MNAT1: variants seen among roughly 807,000 people sequenced by gnomAD.
MNAT1 encodes MNAT1 component of CDK activating kinase, also known as CDK-activating kinase assembly factor MAT1.
Under a neutral mutation model 42.0 loss-of-function variants are expected in MNAT1, and 43 were observed. The ratio of observed to expected loss-of-function variants is 1.02; its 90% CI spans 0.80 to 1.32. MNAT1 has a LOEUF of 1.32. MNAT1 is among the 40% of genes most tolerant of loss of function. The pLI, the probability that MNAT1 is intolerant of heterozygous loss-of-function variation, is 0.00. For missense variants in MNAT1, 306 were observed against 350.4 expected (o/e 0.87, Z 1.01); for synonymous variants, 118 against 120.0 (o/e 0.98, Z 0.11).
At chr14:60,748,322 C>T (rs1034737287) in intron 1 of MNAT1, among the ~76,000 whole-genome samples, 1 of 152,110 alleles carries the variant, frequency 6.6e-6, no homozygotes, top group Non-Finnish European at 1.5e-5. Context: ...TCTTGACATC[C>T]CTGGCTTAAG....
At chr14:60,761,018 G>A (rs2030575512) in intron 1 of MNAT1, among the ~76,000 whole-genome samples, 1 of 152,124 alleles carries the variant, frequency 6.6e-6, no homozygotes, top group Admixed American at 6.5e-5. Flanking sequence ...AACTCTTTTG[G>A]CCATTGTACT....
intron 1 of MNAT1, chr14:60,780,510 C>T: frequency 6.6e-7 from 1 of 1,514,082 alleles, no homozygotes. Context: ...ATTACCAATT[C>T]TGAGGAAGTC....
At chr14:60,738,456 A>G (rs961220417) in intron 1 of MNAT1, among the ~76,000 whole-genome samples, 3 of 151,920 alleles carry the variant, frequency 2.0e-5, no homozygotes, top group Non-Finnish European at 4.4e-5. Flanking sequence ...GGGTTTCACT[A>G]TGTTGGCCAG....
intron 1 of MNAT1, among the ~76,000 whole-genome samples, chr14:60,747,352 A>T (rs970636535): frequency 2.6e-5 from 4 of 152,258 alleles, no homozygotes; most frequent in Middle Eastern, 3.4e-3. Flanking sequence ...CTGTGTGAAC[A>T]TCATACAGTG....
intron 3 of MNAT1, among the ~76,000 whole-genome samples, chr14:60,802,933 T>C (rs1230727094): frequency 6.9e-6 from 1 of 144,128 alleles, no homozygotes; most frequent in Non-Finnish European, 1.5e-5. Flanking sequence ...AAATAAAACT[T>C]TTTTTTTTTT....
chr14:60,771,926 G>C (rs2031074930), intron 1 of MNAT1, among the ~76,000 whole-genome samples: 1 of 152,238 alleles, frequency 6.6e-6, no homozygotes, highest in East Asian at 1.9e-4. Flanking sequence ...TTTCTTTGAA[G>C]GTATTTTAGT....
chr14:60,811,515 G>GCT (rs1458106996), intron 4 of MNAT1, among the ~76,000 whole-genome samples: 1 of 151,890 alleles, frequency 6.6e-6, no homozygotes, highest in East Asian at 1.9e-4. Flanking sequence ...TGTTGGCCAA[G>GCT]CTGGTCTCGA....
intron 6 of MNAT1, among the ~76,000 whole-genome samples, chr14:60,828,003 A>G (rs1395045505): frequency 6.6e-6 from 1 of 152,168 alleles, no homozygotes; most frequent in African/African-American, 2.4e-5. Context: ...ACTTAAGATA[A>G]TCCTTGGTGA....
intron 7 of MNAT1, among the ~76,000 whole-genome samples, chr14:60,902,395 T>C (rs2035089231): frequency 6.6e-6 from 1 of 152,202 alleles, no homozygotes. Context: ...ATGTCTAAAT[T>C]CTGCCTACTA....
At chr14:60,785,092 G>A (rs907419083) in intron 1 of MNAT1, among the ~76,000 whole-genome samples, 1 of 151,598 alleles carries the variant, frequency 6.6e-6, no homozygotes, top group Non-Finnish European at 1.5e-5. Flanking sequence ...ACCTCAGGAG[G>A]CCTCAGCCTC....
intron 6 of MNAT1, among the ~76,000 whole-genome samples, chr14:60,820,470 A>G (rs1490182425): frequency 2.0e-5 from 3 of 151,508 alleles, no homozygotes; most frequent in Non-Finnish European, 4.4e-5. Context: ...TATATATAAT[A>G]TTAAAATAAG....
At chr14:60,902,814 A>G (rs2035099209) in intron 7 of MNAT1, among the ~76,000 whole-genome samples, 2 of 152,080 alleles carry the variant, frequency 1.3e-5, no homozygotes, top group Non-Finnish European at 2.9e-5. Context: ...CATGCTTTCT[A>G]ACTGGTTCTT....
chr14:60,811,914 GTA>G (rs1296374885), intron 4 of MNAT1, 71 bp from the exon 5 acceptor site: 1 of 1,143,374 alleles, frequency 8.7e-7, no homozygotes, highest in African/African-American at 1.5e-5. Flanking sequence ...AATAAAGAAA[GTA>G]TTAGAGTGTG....
intron 4 of MNAT1, 41 bp downstream of exon 4, chr14:60,808,469 CAA>C: frequency 5.0e-6 from 6 of 1,194,088 alleles, no homozygotes; most frequent in Non-Finnish European, 7.1e-6. Context: ...GTCTTAGAAA[CAA>C]ATGTTTCCAC....
chr14:60,874,119 G>A (rs1210776568), intron 6 of MNAT1, among the ~76,000 whole-genome samples: 1 of 152,108 alleles, frequency 6.6e-6, no homozygotes, highest in Non-Finnish European at 1.5e-5. Flanking sequence ...TCTCTTACCA[G>A]CAGTGTATTC....
At chr14:60,869,335 C>G (rs1454099806) in intron 6 of MNAT1, among the ~76,000 whole-genome samples, 1 of 151,890 alleles carries the variant, frequency 6.6e-6, no homozygotes, top group African/African-American at 2.4e-5. Context: ...GCCACTGCAC[C>G]TGGCCTATAT....
At chr14:60,870,864 C>G (rs2034310639) in intron 6 of MNAT1, among the ~76,000 whole-genome samples, 1 of 152,012 alleles carries the variant, frequency 6.6e-6, no homozygotes, top group Non-Finnish European at 1.5e-5. Flanking sequence ...TTCATCACTC[C>G]AAAGAGGTCT....
At chr14:60,913,870 T>C (rs1388525023) in intron 7 of MNAT1, among the ~76,000 whole-genome samples, 2 of 152,174 alleles carry the variant, frequency 1.3e-5, no homozygotes, top group Non-Finnish European at 2.9e-5. Flanking sequence ...ACAGGGACAT[T>C]TAAGACTGCA....
At chr14:60,778,296 G>A (rs964218918) in intron 1 of MNAT1, among the ~76,000 whole-genome samples, 4 of 152,138 alleles carry the variant, frequency 2.6e-5, no homozygotes, top group African/African-American at 9.7e-5. Context: ...AACTCACAGT[G>A]TGTCTCTGTT....
Sources: gnomAD v4.1 joint callset for allele counts (sites outside exome capture counted in the v4.1 genomes callset) on GRCh38, gnomAD v4.1.1 for gene constraint, MANE v1.5 for transcripts, NCBI Gene and HGNC (gene_info 2026-07-23, HGNC 2026-07-21) for gene names.